Variants in PDZD8 observed in about 807,000 individuals in gnomAD.
PDZD8 encodes PDZ domain-containing protein 8.
Under a neutral mutation model 85.8 loss-of-function variants are expected in PDZD8, and 14 were observed. The ratio of observed to expected loss-of-function variants is 0.16; its 90% CI spans 0.11 to 0.26. PDZD8 has a LOEUF of 0.26. Among genes scored for constraint, PDZD8 ranks in the 10% least tolerant of loss-of-function variants. PDZD8 has a pLI of 1.00. For synonymous variants in PDZD8, 592 were observed against 568.6 expected (o/e 1.04, Z -0.59); for missense variants, 1,197 against 1,424.3 (o/e 0.84, Z 2.57).
chr10:117,318,182 A>G (rs1844162943), intron 3 of PDZD8, among the ~76,000 whole-genome samples: 1 of 152,188 alleles, frequency 6.6e-6, no homozygotes, highest in Non-Finnish European at 1.5e-5. Context: ...TTCAGATTTA[A>G]CTGGGTGTCC....
intron 2 of PDZD8, among the ~76,000 whole-genome samples, chr10:117,319,897 T>C (rs1251258663): frequency 1.3e-5 from 2 of 151,952 alleles, no homozygotes; most frequent in African/African-American, 2.4e-5. Flanking sequence ...TACCTCTCTA[T>C]GAAGATCATG....
At chr10:117,347,065 C>T (rs1280779905) in intron 1 of PDZD8, among the ~76,000 whole-genome samples, 1 of 151,974 alleles carries the variant, frequency 6.6e-6, no homozygotes, top group Admixed American at 6.6e-5. Context: ...CTCCTAAACC[C>T]ACCCCTCCTG....
In PDZD8 at chr10:117,374,646, C is replaced by T; in HGVS notation, c.582G>A (p.Ala194=). 1 of 1,583,558 alleles carries T rather than the reference C, an allele frequency of 6.3e-7. No homozygotes were observed. The highest frequency in any genetic ancestry group is 2.3e-5 in the East Asian group (1 of 43,250). Reference sequence around the variant, plus strand: ...GGAAGCCCCCGTTGTACTCCACCTCCGCCTCGAAGGCCAGCTCCTCGGGGC... The same window carrying T: ...GGAAGCCCCCGTTGTACTCCACCTCTGCCTCGAAGGCCAGCTCCTCGGGGC... ...AACPEELAFE[A]EVEYNGGFHL... The change falls in exon 1 of 5, where the codon GCG becomes GCA. Residue 194 remains alanine, a synonymous_variant. Coordinates refer to ENST00000334464, the MANE Select transcript of PDZD8 (RefSeq NM_173791.5). This position sits in a 1 kb window ranked among gnomAD's most constrained non-coding sequence, Gnocchi z 7.8.
chr10:117,353,631 TA>T (rs927882967), intron 1 of PDZD8, among the ~76,000 whole-genome samples: 1 of 151,632 alleles, frequency 6.6e-6, no homozygotes, highest in Non-Finnish European at 1.5e-5. Flanking sequence ...TATACTTTTT[TA>T]AAAAAAGACA....
At chr10:117,353,605 G>A (rs1480592584) in intron 1 of PDZD8, among the ~76,000 whole-genome samples, 1 of 152,050 alleles carries the variant, frequency 6.6e-6, no homozygotes, top group Non-Finnish European at 1.5e-5. Context: ...ACTTTTTAAA[G>A]GTTTGATAGT....
Position 117,283,620 on chromosome 10 carries a change from A to C in PDZD8, c.3113T>G (p.Phe1038Cys). 6.2e-7 allele frequency: 1 copy of C among 1,614,170 alleles called. No individual in the cohort carries two copies. The highest frequency in any genetic ancestry group is 8.5e-7 in the Non-Finnish European group (1 of 1,180,040). Residue 1038 changes from phenylalanine to cysteine, a missense_variant, in exon 5 of 5, where the codon TTC (phenylalanine) becomes TGC (cysteine). By Grantham distance (205) the Phe-to-Cys change is radical (BLOSUM62 -2). This residue lies in a region of PDZD8 where 418 missense variants were observed against 571.1 expected (regional missense o/e 0.73). Transcript: ENST00000334464. The stretch of plus-strand genomic sequence containing the variant: ...TTCATTCTGTAGCTTATCCAACATG[A>C]ACTCTAGTTTCTGGATCCTTTCCTC... ...PTEERIQKLE[F>C]MLDKLQNEID...
At chr10:117,288,167 A>G (rs1844697397) in intron 4 of PDZD8, among the ~76,000 whole-genome samples, 1 of 152,290 alleles carries the variant, frequency 6.6e-6, no homozygotes, top group African/African-American at 2.4e-5. Context: ...TTCCATTTTG[A>G]GCTTCAAATA....
chr10:117,364,827 T>C (rs1172279267), intron 1 of PDZD8, among the ~76,000 whole-genome samples: 1 of 151,866 alleles, frequency 6.6e-6, no homozygotes, highest in African/African-American at 2.4e-5. Context: ...GGGACATCCA[T>C]GTTACACTTC....
chr10:117,343,598 A>C (rs930608506), intron 1 of PDZD8, among the ~76,000 whole-genome samples: 1 of 152,252 alleles, frequency 6.6e-6, no homozygotes, highest in Admixed American at 6.5e-5. Flanking sequence ...AAGTTAGCTA[A>C]ATCACAACTG....
At position 117,360,675 on chromosome 10, in the gene PDZD8, T is replaced by C. The variant is rs949145603; in HGVS notation, c.872+13681A>G. 2.2e-4 allele frequency among the ~76,000 whole-genome samples: 33 copies of C among 151,754 alleles called. 1 individual carries two copies. Among genetic ancestry groups the C allele is most frequent in the African/African-American group, 8.0e-4 (33 of 41,260 alleles). ...AAACTAACAAATCCACTCAAGTAAATGGTGCAGTCAAAACTGTAACAAATC... is the reference window on the plus strand; with the variant it reads ...AAACTAACAAATCCACTCAAGTAAACGGTGCAGTCAAAACTGTAACAAATC... On this transcript the variant is annotated intron_variant, in intron 1 of 4. Transcript: ENST00000334464.
At chr10:117,335,746 G>A (rs1486292824) in intron 2 of PDZD8, among the ~76,000 whole-genome samples, 6 of 152,260 alleles carry the variant, frequency 3.9e-5, no homozygotes, top group South Asian at 2.1e-4. Flanking sequence ...TGACCCCCAC[G>A]TTCCCTCAAC....
chr10:117,306,948 A>G (rs1195158893), intron 3 of PDZD8, among the ~76,000 whole-genome samples: 1 of 152,268 alleles, frequency 6.6e-6, no homozygotes, highest in South Asian at 2.1e-4. Flanking sequence ...AGAGTTAGAA[A>G]GCTAACATTG....
At chr10:117,310,092 T>C (rs1458333562) in intron 3 of PDZD8, among the ~76,000 whole-genome samples, 2 of 152,190 alleles carry the variant, frequency 1.3e-5, no homozygotes, top group African/African-American at 4.8e-5. Context: ...TATGCTATCA[T>C]ATTCTTTAGC....
chr10:117,358,846 A>C (rs1243087121), intron 1 of PDZD8, among the ~76,000 whole-genome samples: 1 of 152,214 alleles, frequency 6.6e-6, no homozygotes, highest in East Asian at 1.9e-4. Context: ...CATCTGGCCC[A>C]GTGAGGTGCT....
intron 1 of PDZD8, among the ~76,000 whole-genome samples, chr10:117,370,918 TTGTGTGTG>T (rs71475194): frequency 3.0e-4 from 44 of 146,442 alleles, no homozygotes; most frequent in East Asian, 6.2e-4. Flanking sequence ...ACAACATAGT[TTGTGTGTG>T]TGTGTGTGTG....
intron 1 of PDZD8, among the ~76,000 whole-genome samples, chr10:117,352,642 G>C (rs768845561): frequency 1.3e-5 from 2 of 152,146 alleles, no homozygotes; most frequent in African/African-American, 2.4e-5. Flanking sequence ...CATGCTTTTT[G>C]TTACCTATGA....
rs892202219 is a variant in PDZD8 at position 117,277,486 on chromosome 10, T to C, written c.*5782A>G. 6.6e-6 allele frequency: 2 copies of C among 303,852 alleles called. No homozygotes were observed. Among genetic ancestry groups the C allele is most frequent in the African/African-American group, 2.2e-5 (1 of 46,110 alleles). The allele number at this position is 303,852 out of a possible 1,614,324, so 18.8% of individuals were successfully genotyped here. A position where few individuals can be genotyped will look rare whatever the true frequency, so the allele number is the denominator to read the frequency against. ...TTGTATAAATAGTGTTGAAACTTTA[T>C]TTTATGTATTTAATTTTATTAAATA... On this transcript the variant is annotated 3_prime_UTR_variant, in exon 5 of 5. Transcript: ENST00000334464.
Position 117,353,116 on chromosome 10 carries a change from G to C in PDZD8, c.873-12014C>G, listed in dbSNP as rs575750179. Among the ~76,000 whole-genome samples the C allele has an allele frequency of 8.5e-5, 13 of 152,224 alleles. No individual in the cohort carries two copies. The East Asian group carries it at 2.5e-3, about 29-fold the overall frequency. ...AAGTCACAGTATCTCACTTTTAATGGTTTACAGAAAGTAAATTCTAGTGTC... is the reference window on the plus strand; with the variant it reads ...AAGTCACAGTATCTCACTTTTAATGCTTTACAGAAAGTAAATTCTAGTGTC... On this transcript the variant is annotated intron_variant, in intron 1 of 4. Coordinates refer to ENST00000334464, the MANE Select transcript of PDZD8 (RefSeq NM_173791.5).
intron 1 of PDZD8, among the ~76,000 whole-genome samples, chr10:117,363,706 T>G (rs1456884326): frequency 6.6e-6 from 1 of 152,190 alleles, no homozygotes; most frequent in Non-Finnish European, 1.5e-5. Flanking sequence ...ACAAGAACTA[T>G]TAATGCTGAG....
Sources: allele counts gnomAD v4.1 joint callset (sites outside exome capture counted in the v4.1 genomes callset), GRCh38; gene constraint gnomAD v4.1.1; regional missense constraint gnomAD v4.1.1; non-coding constraint Gnocchi (gnomAD v3.1); transcripts MANE v1.5; gene names NCBI Gene and HGNC (gene_info 2026-07-23, HGNC 2026-07-21).